The following CNOT10 variants were observed in gnomAD, a reference collection of about 807,000 sequenced individuals.
CNOT10 encodes the protein CCR4-NOT transcription complex, subunit 10.
A neutral mutation model predicts 94.6 loss-of-function variants in CNOT10; 30 were observed. That is an observed-to-expected ratio of 0.32 (90% CI 0.24 to 0.43). The LOEUF (loss-of-function observed/expected upper bound fraction) is 0.43. CNOT10 is among the 20% of genes least tolerant of loss of function. The pLI, the probability that CNOT10 is intolerant of heterozygous loss-of-function variation, is 1.00. For missense variants in CNOT10, 759 were observed against 877.2 expected (o/e 0.87, Z 1.70); for synonymous variants, 289 against 301.6 (o/e 0.96, Z 0.43).
At chr3:32,770,642 G>C (rs1700863730) in intron 18 of CNOT10, among the ~76,000 whole-genome samples, 1 of 151,448 alleles carries the variant, frequency 6.6e-6, no homozygotes, top group Non-Finnish European at 1.5e-5. Context: ...GATTTTTAAT[G>C]TCTGTTTTTT....
intron 17 of CNOT10, chr3:32,765,188 C>T (rs1700612008): frequency 8.6e-6 from 3 of 347,530 alleles, no homozygotes; most frequent in South Asian, 2.3e-5. Flanking sequence ...GTTGGTGGCA[C>T]GCACCTGTAG....
Position 32,773,657 on chromosome 3 carries a change from T to A in CNOT10, c.*46T>A. 6.4e-7 allele frequency: 1 copy of A among 1,551,546 alleles called. No individual in the cohort carries two copies. Among genetic ancestry groups the A allele is most frequent in the Non-Finnish European group, 8.7e-7 (1 of 1,144,256 alleles). On this transcript the variant is annotated 3_prime_UTR_variant, in exon 19 of 19. Transcript: ENST00000328834. ...GTTACCTGAGACCCAGGGGAGAATTTACTGGCCATTTTAGTTGTATCACAG... is the reference window on the plus strand; with the variant it reads ...GTTACCTGAGACCCAGGGGAGAATTAACTGGCCATTTTAGTTGTATCACAG...
At chr3:32,715,573 A>G (rs1698083365) in intron 5 of CNOT10, among the ~76,000 whole-genome samples, 1 of 152,182 alleles carries the variant, frequency 6.6e-6, no homozygotes, top group South Asian at 2.1e-4. Flanking sequence ...AAGTGGGTAG[A>G]TCTGTTCTGG....
At chr3:32,695,838 A>C in intron 1 of CNOT10, 1 of 1,529,972 alleles carries the variant, frequency 6.5e-7, no homozygotes. Flanking sequence ...GTAAGAAGTC[A>C]GTAGTTATAA....
At chr3:32,705,783 T>C (rs73059820) in intron 3 of CNOT10, among the ~76,000 whole-genome samples, 21,293 of 152,120 alleles carry the variant, frequency 0.14, 1,598 homozygotes, top group South Asian at 0.19. Flanking sequence ...AGTACCATGA[T>C]ACTCTATAGT....
chr3:32,733,634 A>T, intron 11 of CNOT10, 90 bp downstream of exon 11: 1 of 887,302 alleles, frequency 1.1e-6, no homozygotes, highest in Non-Finnish European at 1.6e-6. Context: ...AGGATTTATC[A>T]TTGCATAGGA....
intron 13 of CNOT10, among the ~76,000 whole-genome samples, chr3:32,747,116 C>CA (rs1445567056): frequency 1.3e-5 from 2 of 150,820 alleles, no homozygotes; most frequent in East Asian, 2.0e-4. Flanking sequence ...GACTCTGTCT[C>CA]AAAAAAATCA....
intron 13 of CNOT10, among the ~76,000 whole-genome samples, chr3:32,738,891 A>T (rs1699319514): frequency 1.3e-5 from 2 of 148,406 alleles, no homozygotes; most frequent in African/African-American, 5.0e-5. Flanking sequence ...ATCTGCAGTT[A>T]TACCTCTATT....
chr3:32,690,856 A>AT (rs1193616467), intron 1 of CNOT10, among the ~76,000 whole-genome samples: 2 of 151,974 alleles, frequency 1.3e-5, no homozygotes, highest in Non-Finnish European at 2.9e-5. Context: ...CTTATTTGGT[A>AT]TTTTTTCAAC....
chr3:32,720,085 T>C (rs776722440), intron 7 of CNOT10, 29 bp from the exon 8 acceptor site: 2 of 1,223,384 alleles, frequency 1.6e-6, no homozygotes, highest in South Asian at 3.3e-5. Flanking sequence ...GAAAACAAAT[T>C]ATAAGTAACT....
intron 3 of CNOT10, 116 bp downstream of exon 3, chr3:32,705,088 T>A: frequency 1.4e-6 from 1 of 712,844 alleles, no homozygotes; most frequent in South Asian, 2.6e-5. Flanking sequence ...CAGAAACATT[T>A]GTTAGCATTA....
intron 3 of CNOT10, among the ~76,000 whole-genome samples, chr3:32,707,699 A>T (rs1697687246): frequency 6.6e-6 from 1 of 152,092 alleles, no homozygotes; most frequent in Non-Finnish European, 1.5e-5. Context: ...GCTACTCAGG[A>T]GGCTAAGGCA....
At chr3:32,731,335 A>G (rs1055841783) in intron 10 of CNOT10, among the ~76,000 whole-genome samples, 1 of 152,222 alleles carries the variant, frequency 6.6e-6, no homozygotes, top group East Asian at 1.9e-4. Flanking sequence ...TTGTGTTTAG[A>G]GAAAAGACTT....
At chr3:32,705,972 A>G (rs992207649) in intron 3 of CNOT10, among the ~76,000 whole-genome samples, 2 of 152,312 alleles carry the variant, frequency 1.3e-5, no homozygotes, top group Middle Eastern at 3.4e-3. Context: ...TTTATGCCTT[A>G]TCTCATATAA....
At position 32,727,781 on chromosome 3, in the gene CNOT10, G is replaced by A. The variant is rs770554372; in HGVS notation, c.1126G>A (p.Glu376Lys). 3.1e-6 allele frequency: 5 copies of A among 1,613,746 alleles called. No individual in the cohort carries two copies. The highest frequency in any genetic ancestry group is 1.1e-5 in the South Asian group (1 of 91,068). Reference sequence around the variant, plus strand: ...CATTGGAAGGCCTCTTGCTGCCTTCGAATGTCTGATTGAAGCTGTTCAGGT... The same window carrying A: ...CATTGGAAGGCCTCTTGCTGCCTTCAAATGTCTGATTGAAGCTGTTCAGGT... ...LHIGRPLAAF[E>K]CLIEAVQVYH... is the part of the protein sequence containing the mutation. Residue 376 changes from glutamate (E) to lysine (K), a missense_variant, in exon 10 of 19, where the codon GAA (glutamate) becomes AAA (lysine). By Grantham distance (56) the Glu-to-Lys change is moderately conservative. This residue lies in a region of CNOT10 where 682 missense variants were observed against 799.4 expected (regional missense o/e 0.85). Coordinates refer to ENST00000328834, the MANE Select transcript of CNOT10 (RefSeq NM_015442.3).
intron 1 of CNOT10, among the ~76,000 whole-genome samples, chr3:32,689,652 A>C (rs1696770704): frequency 6.6e-6 from 1 of 152,200 alleles, no homozygotes; most frequent in African/African-American, 2.4e-5. Flanking sequence ...CCCTAGAACA[A>C]TATCTGACAA....
chr3:32,761,899 A>G (rs184264529), intron 14 of CNOT10, among the ~76,000 whole-genome samples: 3,233 of 151,160 alleles, frequency 0.021, 63 homozygotes, highest in Middle Eastern at 0.075. Flanking sequence ...CAGCCTCCCA[A>G]GTAGCTGGGA....
In CNOT10 at chr3:32,764,777, G is replaced by A. The variant is rs1421523889; in HGVS notation, c.1972G>A (p.Glu658Lys). Residue 658 changes from glutamate (E) to lysine (K), a missense_variant, in exon 17 of 19, where the codon GAA becomes AAA. By Grantham distance (56) the Glu-to-Lys change is moderately conservative (BLOSUM62 1). Around this residue, in one of 3 missense-constraint regions of CNOT10, gnomAD observed 682 missense variants for 799.4 expected, o/e 0.85. Transcript: ENST00000328834. ...TGGCAGCGCTTACTGCCTGAGGAGC[G>A]AATATGACAAAGCCCGAAAGTGTCT... ...NLGSAYCLRS[E>K]YDKARKCLHQ... is the part of the protein sequence containing the mutation. The A allele has an allele frequency of 1.9e-6, 3 of 1,614,172 alleles. No homozygotes were observed. Among genetic ancestry groups the A allele is most frequent in the East Asian group, 2.2e-5 (1 of 44,878 alleles).
intron 13 of CNOT10, among the ~76,000 whole-genome samples, chr3:32,749,261 T>C (rs534458463): frequency 6.6e-6 from 1 of 152,282 alleles, no homozygotes; most frequent in Admixed American, 6.5e-5. Context: ...GAAAGTTAAT[T>C]CTTATTTTTG....
Sources: allele counts gnomAD v4.1 joint callset (sites outside exome capture counted in the v4.1 genomes callset), GRCh38; gene constraint gnomAD v4.1.1; regional missense constraint gnomAD v4.1.1; transcripts MANE v1.5; gene names NCBI Gene and HGNC (gene_info 2026-07-23, HGNC 2026-07-21).